FARP1: variants seen among roughly 807,000 people sequenced by gnomAD.
FARP1 encodes the protein FERM, ARH/RhoGEF and pleckstrin domain protein 1.
FARP1 carries 52 observed loss-of-function variants against 128.8 expected under a neutral mutation model. The ratio of observed to expected loss-of-function variants is 0.40; its 90% CI spans 0.32 to 0.51. The LOEUF (loss-of-function observed/expected upper bound fraction) is 0.51. Among genes scored for constraint, FARP1 ranks in the 20% least tolerant of loss-of-function variants. The pLI is 0.45. For synonymous variants in FARP1, 580 were observed against 551.8 expected (o/e 1.05, Z -0.72); for missense variants, 1,333 against 1,367.9 (o/e 0.97, Z 0.40).
At chr13:98,278,808 TATC>T (rs72078398) in intron 2 of FARP1, among the ~76,000 whole-genome samples, 12,628 of 151,998 alleles carry the variant, frequency 0.083, 1,054 homozygotes, top group African/African-American at 0.22. Context: ...TTGTTTTTCT[TATC>T]ATTTTAATGT....
At chr13:98,277,991 A>C (rs1181336495) in intron 2 of FARP1, among the ~76,000 whole-genome samples, 4 of 152,278 alleles carry the variant, frequency 2.6e-5, no homozygotes. Context: ...AAATCTGGTG[A>C]TCTGTTATTT....
Position 98,435,583 on chromosome 13 carries a change from G to A in FARP1, c.2151G>A (p.Leu717=), listed in dbSNP as rs1892225739. 2 of 1,611,798 alleles carry A rather than the reference G, an allele frequency of 1.2e-6. No individual in the cohort carries two copies. Among genetic ancestry groups the A allele is most frequent in the African/African-American group, 2.7e-5 (2 of 74,912 alleles). The change falls in exon 19 of 27, where the codon TTG becomes TTA. Residue 717 remains leucine (L), a synonymous_variant. Coordinates refer to ENST00000319562, the MANE Select transcript of FARP1 (RefSeq NM_005766.4). The part of the protein sequence containing the change: ...HADFRDCRAA[L]AEITEMVAQL... ...TATGTCTTTCCTTCACAGCCGCTTT[G>A]GCAGAGATCACGGAGATGGTGGCAC...
At chr13:98,185,908 G>A (rs1878831828) in intron 1 of FARP1, among the ~76,000 whole-genome samples, 2 of 151,992 alleles carry the variant, frequency 1.3e-5, no homozygotes, top group African/African-American at 4.8e-5. Flanking sequence ...ATGTTGACTA[G>A]GCTGGTCTCG....
chr13:98,385,740 T>A lies in FARP1; in HGVS notation c.685T>A (p.Leu229Met), dbSNP rs1261622769. ...TCGGCTAGAGATGTATGGAATCCGG[T>A]TGCACCCGGCCAAGGACAGGGAAGG... ...ARRLEMYGIR[L>M]HPAKDREGTK... The change falls in exon 8 of 27, where the codon TTG becomes ATG. Residue 229 changes from leucine to methionine, a missense_variant. Transcript: ENST00000319562. 1.9e-6 allele frequency: 3 copies of A among 1,614,084 alleles called. No homozygotes were observed. Among genetic ancestry groups the A allele is most frequent in the Non-Finnish European group, 2.5e-6 (3 of 1,180,044 alleles).
chr13:98,230,311 C>T (rs764419224), intron 2 of FARP1, among the ~76,000 whole-genome samples: 15 of 152,174 alleles, frequency 9.9e-5, no homozygotes, highest in South Asian at 6.2e-4. Context: ...TAACCCTAAC[C>T]CTCCGAGTTC....
Position 98,267,601 on chromosome 13 carries a change from C to T in FARP1, c.171+54188C>T, listed in dbSNP as rs570022821. Reference sequence around the variant, plus strand: ...TCCTTATTGGAAAATGTTCCAGCCCCGTAGGTCCACACAAGCTGAAGGGAT... The same window carrying T: ...TCCTTATTGGAAAATGTTCCAGCCCTGTAGGTCCACACAAGCTGAAGGGAT... On this transcript the variant is annotated intron_variant, in intron 2 of 26. Coordinates refer to ENST00000319562, the MANE Select transcript of FARP1 (RefSeq NM_005766.4). 3.9e-5 allele frequency among the ~76,000 whole-genome samples: 6 copies of T among 152,322 alleles called. 1 individual carries two copies. The East Asian group carries it at 5.8e-4, about 15-fold the overall frequency.
intron 17 of FARP1, among the ~76,000 whole-genome samples, chr13:98,425,053 C>G (rs2140153820): frequency 6.6e-6 from 1 of 152,136 alleles, no homozygotes; most frequent in African/African-American, 2.4e-5. Flanking sequence ...TTCGGCAAAC[C>G]CTTCTCCAAC....
In FARP1 at chr13:98,385,589, G is replaced by A; in HGVS notation, c.612-78G>A. 4.6e-6 allele frequency: 7 copies of A among 1,510,248 alleles called. No homozygotes were observed. The South Asian group carries it at 8.0e-5, about 17-fold the overall frequency. 93.6% of individuals were successfully genotyped at this position (1,510,248 alleles called of 1,614,324 possible). On this transcript the variant is annotated intron_variant, in intron 7 of 26. Transcript: ENST00000319562. Reference sequence around the variant, plus strand: ...TGAAATGCCTTTGTATTTCCCAGGAGAAGCTTCTTAATCTCAAATTAATAG... The same window carrying A: ...TGAAATGCCTTTGTATTTCCCAGGAAAAGCTTCTTAATCTCAAATTAATAG...
At chr13:98,218,916 A>T (rs1881258301) in intron 2 of FARP1, among the ~76,000 whole-genome samples, 1 of 152,236 alleles carries the variant, frequency 6.6e-6, no homozygotes, top group Non-Finnish European at 1.5e-5. Flanking sequence ...TTTGTATGTC[A>T]TAAAAGACCA....
chr13:98,419,097 T>C (rs1891494381), intron 16 of FARP1, among the ~76,000 whole-genome samples: 1 of 152,198 alleles, frequency 6.6e-6, no homozygotes, highest in African/African-American at 2.4e-5. Context: ...TCTTGACAAG[T>C]GGGCATGTGA....
chr13:98,156,408 CTTTA>C (rs1566674640), intron 1 of FARP1, among the ~76,000 whole-genome samples: 1 of 152,276 alleles, frequency 6.6e-6, no homozygotes, highest in African/African-American at 2.4e-5. Context: ...GCTTCTTTCA[CTTTA>C]TTTATTGATT....
At chr13:98,374,348 C>G (rs1889482892) in intron 5 of FARP1, among the ~76,000 whole-genome samples, 1 of 152,100 alleles carries the variant, frequency 6.6e-6, no homozygotes, top group Non-Finnish European at 1.5e-5. Flanking sequence ...TGCTTGAGCC[C>G]CCAGAGGTTG....
intron 2 of FARP1, among the ~76,000 whole-genome samples, chr13:98,318,209 C>T (rs1451357673): frequency 6.7e-6 from 1 of 149,456 alleles, no homozygotes; most frequent in African/African-American, 2.5e-5. Flanking sequence ...GCATGCACCA[C>T]CACACCTGGC....
At chr13:98,272,062 C>T (rs1343450871) in intron 2 of FARP1, among the ~76,000 whole-genome samples, 1 of 150,778 alleles carries the variant, frequency 6.6e-6, no homozygotes, top group Non-Finnish European at 1.5e-5. Flanking sequence ...TGTAGTCTCG[C>T]TCTGTCTCCC....
intron 2 of FARP1, among the ~76,000 whole-genome samples, chr13:98,341,248 C>T (rs1463958195): frequency 6.6e-6 from 1 of 152,010 alleles, no homozygotes; most frequent in Non-Finnish European, 1.5e-5. Context: ...GTGTACTTGG[C>T]GGGCTTTGAC....
At chr13:98,341,898 C>T (rs1259952433) in intron 2 of FARP1, among the ~76,000 whole-genome samples, 10 of 152,162 alleles carry the variant, frequency 6.6e-5, no homozygotes, top group Admixed American at 6.5e-4. Flanking sequence ...TTTCAGCAGA[C>T]ATTGATTGAT....
chr13:98,438,901 A>G, intron 20 of FARP1, 29 bp downstream of exon 20: 4 of 1,607,298 alleles, frequency 2.5e-6, no homozygotes, highest in Non-Finnish European at 3.4e-6. Flanking sequence ...TTGTCCTCAC[A>G]AGGATTGTGT....
chr13:98,188,325 G>A (rs1312739169), intron 1 of FARP1, among the ~76,000 whole-genome samples: 4 of 152,088 alleles, frequency 2.6e-5, no homozygotes, highest in South Asian at 2.1e-4. Flanking sequence ...AGGCCGAGGC[G>A]GGCGGATCAC....
chr13:98,375,681 T>G (rs1479921926), intron 5 of FARP1, among the ~76,000 whole-genome samples: 1 of 152,144 alleles, frequency 6.6e-6, no homozygotes, highest in Non-Finnish European at 1.5e-5. Context: ...CAGGCTGGAG[T>G]GCAGTGGTGC....
Sources: allele counts gnomAD v4.1 joint callset (sites outside exome capture counted in the v4.1 genomes callset), GRCh38; gene constraint gnomAD v4.1.1; transcripts MANE v1.5; gene names NCBI Gene and HGNC (gene_info 2026-07-23, HGNC 2026-07-21).